GRAMD2B: variants seen among roughly 807,000 people sequenced by gnomAD.
The protein encoded by GRAMD2B is GRAM domain-containing protein 2B.
Under a neutral mutation model 59.2 loss-of-function variants are expected in GRAMD2B, and 41 were observed. The observed-to-expected ratio is 0.69, with a 90% CI of 0.54 to 0.90. The LOEUF is 0.90. Among genes scored for constraint, GRAMD2B ranks in the 40% least tolerant of loss-of-function variants. GRAMD2B has a pLI of 0.00. For synonymous variants in GRAMD2B, 161 were observed against 182.7 expected, an observed-to-expected ratio of 0.88 and a Z score of 0.96; for missense variants, 424 against 500.5, an observed-to-expected ratio of 0.85 and a Z score of 1.46.
chr5:126,473,581 A>G (rs1169865006), intron 5 of GRAMD2B, among the ~76,000 whole-genome samples: 1 of 152,078 alleles, frequency 6.6e-6, no homozygotes, highest in East Asian at 1.9e-4. Context: ...TTTCTCACTC[A>G]TTTGTTTATA....
At chr5:126,400,668 T>C (rs945848975) in intron 1 of GRAMD2B, among the ~76,000 whole-genome samples, 8 of 152,146 alleles carry the variant, frequency 5.3e-5, no homozygotes, top group African/African-American at 1.9e-4. Flanking sequence ...CCAGTTTTGT[T>C]TGTCTGGGAA....
chr5:126,398,669 G>A (rs1757573035), intron 1 of GRAMD2B, among the ~76,000 whole-genome samples: 1 of 151,610 alleles, frequency 6.6e-6, no homozygotes, highest in Non-Finnish European at 1.5e-5. Flanking sequence ...TTTTTTTCTA[G>A]TTTCTTAAGG....
At chr5:126,444,742 G>T (rs1330153315) in intron 1 of GRAMD2B, among the ~76,000 whole-genome samples, 2 of 152,132 alleles carry the variant, frequency 1.3e-5, no homozygotes, top group African/African-American at 2.4e-5. Context: ...GGATGTGCAG[G>T]TTTGTTACAT....
intron 1 of GRAMD2B, among the ~76,000 whole-genome samples, chr5:126,460,434 T>C (rs79582563): frequency 1.3e-4 from 20 of 152,384 alleles, no homozygotes; most frequent in African/African-American, 4.3e-4. Context: ...GAATTGTAAA[T>C]GGAAGATCAT....
upstream of GRAMD2B, among the ~76,000 whole-genome samples, chr5:126,422,585 A>G (rs181350688): frequency 1.4e-3 from 206 of 152,324 alleles, no homozygotes; most frequent in African/African-American, 4.5e-3. Flanking sequence ...TCTTCTTCCA[A>G]TGTGACCCAG....
intron 1 of GRAMD2B, among the ~76,000 whole-genome samples, chr5:126,411,428 T>C (rs368999280): frequency 2.0e-5 from 3 of 152,088 alleles, no homozygotes; most frequent in African/African-American, 4.8e-5. Flanking sequence ...TGTGGCTTGA[T>C]TTGTGGGTTC....
chr5:126,367,820 C>A (rs372616860), upstream of GRAMD2B, among the ~76,000 whole-genome samples: 4 of 152,278 alleles, frequency 2.6e-5, no homozygotes, highest in Admixed American at 1.3e-4. Context: ...GGCGCCATCT[C>A]GGCTCACTGC....
At chr5:126,418,314 T>C (rs1248362714) in intron 1 of GRAMD2B, among the ~76,000 whole-genome samples, 3 of 152,256 alleles carry the variant, frequency 2.0e-5, no homozygotes, top group Non-Finnish European at 4.4e-5. Flanking sequence ...TAATGTATTG[T>C]TTCTGTGGCA....
At chr5:126,366,846 C>CTTT (rs59718576), upstream of GRAMD2B, among the ~76,000 whole-genome samples, 13 of 107,710 alleles carry the variant, frequency 1.2e-4, no homozygotes, top group East Asian at 3.0e-4. Context: ...CAGACCAAGG[C>CTTT]TTTTTTTTTT....
intron 1 of GRAMD2B, among the ~76,000 whole-genome samples, chr5:126,376,911 T>C (rs1262439069): frequency 2.0e-5 from 3 of 151,452 alleles, no homozygotes; most frequent in African/African-American, 7.3e-5. Flanking sequence ...AAAGAACAAA[T>C]TGCACCAGGA....
At chr5:126,394,318 G>A (rs1463233134) in intron 1 of GRAMD2B, among the ~76,000 whole-genome samples, 1 of 151,910 alleles carries the variant, frequency 6.6e-6, no homozygotes, top group African/African-American at 2.4e-5. Flanking sequence ...TTAGTCTGCA[G>A]AGGCAAACCT....
chr5:126,469,175 A>G (rs181732276), intron 2 of GRAMD2B, among the ~76,000 whole-genome samples: 1 of 152,304 alleles, frequency 6.6e-6, no homozygotes, highest in African/African-American at 2.4e-5. Flanking sequence ...TACTATTTCT[A>G]CAGTTTTTGA....
intron 1 of GRAMD2B, among the ~76,000 whole-genome samples, chr5:126,453,169 T>C (rs1765670570): frequency 6.6e-6 from 1 of 152,116 alleles, no homozygotes; most frequent in East Asian, 1.9e-4. Context: ...ATTCTGTCTC[T>C]ATTAAAAATA....
chr5:126,378,699 G>T (rs1755410083), intron 1 of GRAMD2B, among the ~76,000 whole-genome samples: 1 of 152,172 alleles, frequency 6.6e-6, no homozygotes, highest in Non-Finnish European at 1.5e-5. Context: ...TCAGCTAGCG[G>T]AATGAACTCC....
intron 1 of GRAMD2B, among the ~76,000 whole-genome samples, chr5:126,400,504 CAAGAT>C (rs67253254): frequency 0.27 from 40,877 of 151,792 alleles, 5,965 homozygotes; most frequent in East Asian, 0.47. Context: ...CTGCCAATCA[CAAGAT>C]TAGAGTATTC....
chr5:126,371,581 G>C, intron 1 of GRAMD2B: 1 of 1,280,390 alleles, frequency 7.8e-7, no homozygotes, highest in Non-Finnish European at 1.0e-6. Context: ...GGTACAGCCT[G>C]GGCCTGGCCA....
chr5:126,469,722 C>T lies in GRAMD2B; in HGVS notation c.249C>T (p.Asn83=), dbSNP rs771437395. The T allele has an allele frequency of 1.2e-5, 19 of 1,613,654 alleles. No individual in the cohort carries two copies. Among genetic ancestry groups the T allele is most frequent in the African/African-American group, 2.7e-5 (2 of 74,852 alleles). ...FDGASLASDK[N]DCKTESKNDP... ...GTGCCTCTTTAGCAAGTGATAAGAA[C>T]GACTGTAAAACAGAAAGCAAAAATG... is the stretch of plus-strand genomic sequence containing the variant. Residue 83 remains asparagine (N), a synonymous_variant, in exon 3 of 14, where the codon AAC becomes AAT. Transcript: ENST00000285689.
At chr5:126,473,663 C>T (rs1226510088) in intron 5 of GRAMD2B, among the ~76,000 whole-genome samples, 2 of 152,144 alleles carry the variant, frequency 1.3e-5, no homozygotes, top group African/African-American at 2.4e-5. Flanking sequence ...TCAGATGTCA[C>T]CAGAGAGCAC....
chr5:126,426,151 T>C (rs1760581877), intron 1 of GRAMD2B, among the ~76,000 whole-genome samples: 1 of 152,098 alleles, frequency 6.6e-6, no homozygotes, highest in East Asian at 1.9e-4. Flanking sequence ...AAAATAATAT[T>C]AATTTTAAAA....
Sources: allele counts gnomAD v4.1 joint callset (sites outside exome capture counted in the v4.1 genomes callset), GRCh38; gene constraint gnomAD v4.1.1; transcripts MANE v1.5; gene names NCBI Gene and HGNC (gene_info 2026-07-23, HGNC 2026-07-21).